The following GALNT10 variants were observed in gnomAD, a reference collection of about 807,000 sequenced individuals.
GALNT10 encodes the protein GalNAc transferase 10.
In GALNT10, 41 loss-of-function variants were observed where a neutral mutation model predicts 75.0. That is an observed-to-expected ratio of 0.55 (90% CI 0.43 to 0.71). GALNT10 has a LOEUF of 0.71. GALNT10 is among the 30% of genes least tolerant of loss of function. The pLI is 0.00. For synonymous variants in GALNT10, 302 were observed against 313.0 expected, an observed-to-expected ratio of 0.96 and a Z score of 0.37; for missense variants, 727 against 818.5, an observed-to-expected ratio of 0.89 and a Z score of 1.36.
intron 1 of GALNT10, among the ~76,000 whole-genome samples, chr5:154,291,172 A>G (rs1224271263): frequency 6.6e-6 from 1 of 152,170 alleles, no homozygotes; most frequent in Non-Finnish European, 1.5e-5. Context: ...CATTTTGAGA[A>G]CATGATTCTA....
At chr5:154,314,074 A>ATG (rs1754563787) in intron 3 of GALNT10, among the ~76,000 whole-genome samples, 1 of 152,196 alleles carries the variant, frequency 6.6e-6, no homozygotes, top group Non-Finnish European at 1.5e-5. Context: ...AAAATGACCT[A>ATG]TACCGTGGCC....
chr5:154,227,163 C>A (rs1753076223), intron 1 of GALNT10, among the ~76,000 whole-genome samples: 1 of 152,148 alleles, frequency 6.6e-6, no homozygotes, highest in Non-Finnish European at 1.5e-5. Context: ...ATGTACAAGT[C>A]TTTCTGTGAC....
At chr5:154,247,638 C>T (rs1306763054) in intron 1 of GALNT10, among the ~76,000 whole-genome samples, 1 of 152,104 alleles carries the variant, frequency 6.6e-6, no homozygotes, top group African/African-American at 2.4e-5. Context: ...TATAAGAATG[C>T]TTGTGATTTT....
chr5:154,411,479 GAC>G (rs1377779415), intron 9 of GALNT10, among the ~76,000 whole-genome samples: 1 of 152,226 alleles, frequency 6.6e-6, no homozygotes, highest in African/African-American at 2.4e-5. Context: ...GGGTAGGATG[GAC>G]ACTACGGCTG....
intron 1 of GALNT10, among the ~76,000 whole-genome samples, chr5:154,293,418 T>C (rs968176822): frequency 3.9e-5 from 6 of 152,046 alleles, no homozygotes; most frequent in Admixed American, 6.5e-5. Flanking sequence ...GGCCTTTGAC[T>C]TGACTGTTGG....
chr5:154,281,793 C>A (rs565622903), intron 1 of GALNT10, among the ~76,000 whole-genome samples: 1 of 152,178 alleles, frequency 6.6e-6, no homozygotes, highest in Non-Finnish European at 1.5e-5. Context: ...CATAGTTCTG[C>A]CCCCTGAAGT....
intron 3 of GALNT10, among the ~76,000 whole-genome samples, chr5:154,302,173 A>T (rs1386445552): frequency 1.3e-5 from 2 of 152,220 alleles, no homozygotes; most frequent in African/African-American, 4.8e-5. Flanking sequence ...CTCCAGCAGG[A>T]GCTGAGGTTT....
At chr5:154,351,246 G>C (rs1167355661) in intron 4 of GALNT10, among the ~76,000 whole-genome samples, 2 of 152,220 alleles carry the variant, frequency 1.3e-5, no homozygotes, top group African/African-American at 4.8e-5. Context: ...ATTTAGAGAA[G>C]TGAGGAATCT....
At chr5:154,272,050 G>C (rs957649049) in intron 1 of GALNT10, among the ~76,000 whole-genome samples, 2 of 152,034 alleles carry the variant, frequency 1.3e-5, no homozygotes, top group African/African-American at 4.8e-5. Flanking sequence ...AGTGATAGTT[G>C]ATATTTCCTG....
chr5:154,382,496 TA>T (rs762523443), intron 6 of GALNT10, among the ~76,000 whole-genome samples: 1 of 152,120 alleles, frequency 6.6e-6, no homozygotes, highest in Non-Finnish European at 1.5e-5. Context: ...ACACCAGGAG[TA>T]ACTAACATTT....
intron 8 of GALNT10, among the ~76,000 whole-genome samples, chr5:154,408,401 G>T (rs1003316220): frequency 6.6e-5 from 10 of 152,158 alleles, no homozygotes; most frequent in African/African-American, 4.8e-5. Flanking sequence ...AAATTGGGGT[G>T]GGGGGACAAC....
rs112463849 is a variant in GALNT10 at position 154,298,466 on chromosome 5, A to C, written c.401+387A>C. ...TATATTTGTATCTTTGTTATAAACC[A>C]TCTCTAATCACATTGAGAGCAGACA... On this transcript the variant is annotated intron_variant, in intron 3 of 11. Coordinates refer to ENST00000297107, the MANE Select transcript of GALNT10 (RefSeq NM_198321.4). The surrounding 1 kb of genome is among the most constrained non-coding windows in gnomAD (Gnocchi z 4.1). Among the ~76,000 whole-genome samples the C allele has an allele frequency of 6.6e-6, 1 of 152,328 alleles. No homozygotes were observed. Among genetic ancestry groups the C allele is most frequent in the African/African-American group, 2.4e-5 (1 of 41,576 alleles).
At chr5:154,261,490 C>T (rs193194368) in intron 1 of GALNT10, among the ~76,000 whole-genome samples, 2 of 152,298 alleles carry the variant, frequency 1.3e-5, no homozygotes, top group East Asian at 3.9e-4. Context: ...GCATTCATTC[C>T]ACAGTTCTGT....
At chr5:154,313,236 G>A (rs930853238) in intron 3 of GALNT10, among the ~76,000 whole-genome samples, 3 of 151,916 alleles carry the variant, frequency 2.0e-5, no homozygotes, top group African/African-American at 7.3e-5. Flanking sequence ...CTTCAACCTG[G>A]GAGGCAGAGG....
intron 7 of GALNT10, among the ~76,000 whole-genome samples, chr5:154,389,967 A>C (rs1201879866): frequency 6.6e-6 from 1 of 152,184 alleles, no homozygotes; most frequent in African/African-American, 2.4e-5. Context: ...ACTCAGTCCA[A>C]AACATATTTT....
chr5:154,218,019 C>A (rs1173166086), intron 1 of GALNT10: 3 of 985,078 alleles, frequency 3.0e-6, no homozygotes, highest in Non-Finnish European at 3.6e-6. Flanking sequence ...CCTTCTATTT[C>A]TCCTGCCAGC....
intron 1 of GALNT10, among the ~76,000 whole-genome samples, chr5:154,287,959 T>TGTGTGA (rs144196717): frequency 8.0e-5 from 12 of 149,848 alleles, no homozygotes; most frequent in Admixed American, 2.7e-4. Flanking sequence ...TGTGTGTGTG[T>TGTGTGA]GAGAGAGAGA....
At chr5:154,217,964 T>G (rs770652152) in intron 1 of GALNT10, 52 of 971,060 alleles carry the variant, frequency 5.4e-5, no homozygotes, top group Non-Finnish European at 6.0e-5. Flanking sequence ...AATAAAAATG[T>G]TGGGGTAGGG....
chr5:154,202,911 C>T (rs6888942), intron 1 of GALNT10, among the ~76,000 whole-genome samples: 32 of 152,266 alleles, frequency 2.1e-4, no homozygotes, highest in African/African-American at 7.2e-4. Context: ...AGACCCCCCT[C>T]GCCTGCTATT....
Sources: gnomAD v4.1 joint callset for allele counts (sites outside exome capture counted in the v4.1 genomes callset) on GRCh38, gnomAD v4.1.1 for gene constraint, Gnocchi (gnomAD v3.1) non-coding constraint, MANE v1.5 for transcripts, NCBI Gene and HGNC (gene_info 2026-07-23, HGNC 2026-07-21) for gene names.